Variants in GALNT13 observed in about 807,000 individuals in gnomAD.
GALNT13 encodes polypeptide N-acetylgalactosaminyltransferase 13, also known as UDP-GalNAc:polypeptide N-acetylgalactosaminyltransferase 13.
GALNT13 carries 28 observed loss-of-function variants against 64.2 expected under a neutral mutation model. The ratio of observed to expected loss-of-function variants is 0.44; its 90% confidence interval spans 0.32 to 0.60. The LOEUF is 0.60. GALNT13 is among the 20% of genes least tolerant of loss of function. The probability of loss-of-function intolerance (pLI) is 0.05; values close to 1 mark genes in which losing one functional copy is unlikely to be tolerated. For synonymous variants in GALNT13, 214 were observed against 224.6 expected, an observed-to-expected ratio of 0.95 and a Z score of 0.42; for missense variants, 577 against 669.8, an observed-to-expected ratio of 0.86 and a Z score of 1.53.
chr2:154,039,852 T>C (rs1161835652), intron 3 of GALNT13, among the ~76,000 whole-genome samples: 1 of 140,554 alleles, frequency 7.1e-6, no homozygotes, highest in African/African-American at 2.4e-5. Flanking sequence ...ACACATTGTA[T>C]ACATGTATAG....
the GALNT13 span, among the ~76,000 whole-genome samples, chr2:153,156,844 G>A: frequency 6.6e-6 from 1 of 152,110 alleles, no homozygotes; most frequent in Admixed American, 6.6e-5. Context: ...GACTTTTCTG[G>A]TATTGATAGA....
chr2:153,342,281 G>C, the GALNT13 span, among the ~76,000 whole-genome samples: 1 of 152,160 alleles, frequency 6.6e-6, no homozygotes, highest in African/African-American at 2.4e-5. Context: ...TCTGTGTCCA[G>C]TGATCTTACA....
the GALNT13 span, among the ~76,000 whole-genome samples, chr2:153,634,269 C>G: frequency 6.6e-6 from 1 of 152,056 alleles, no homozygotes; most frequent in African/African-American, 2.4e-5. Flanking sequence ...GAACTCTTAC[C>G]TTTTATGTAA....
chr2:153,952,581 C>T (rs1406305596), intron 3 of GALNT13, among the ~76,000 whole-genome samples: 1 of 152,052 alleles, frequency 6.6e-6, no homozygotes, highest in Admixed American at 6.6e-5. Context: ...CTTATCATCA[C>T]AGAGGGCAAA....
chr2:154,085,973 T>C (rs1055485856), intron 3 of GALNT13, among the ~76,000 whole-genome samples: 1 of 151,812 alleles, frequency 6.6e-6, no homozygotes, highest in African/African-American at 2.4e-5. Context: ...AATTTGACAA[T>C]GCCATTAGTA....
At chr2:153,798,780 T>C in the GALNT13 span, among the ~76,000 whole-genome samples, 11 of 152,330 alleles carry the variant, frequency 7.2e-5, no homozygotes, top group Middle Eastern at 6.8e-3. Flanking sequence ...GTCATACTTC[T>C]GGTGTATTTC....
intron 2 of GALNT13, among the ~76,000 whole-genome samples, chr2:153,919,854 A>G (rs1349256182): frequency 1.3e-5 from 2 of 151,408 alleles, no homozygotes; most frequent in Non-Finnish European, 3.0e-5. Flanking sequence ...TCTTATTGCT[A>G]TGTTATAAAC....
At chr2:153,648,634 C>T in the GALNT13 span, among the ~76,000 whole-genome samples, 2 of 152,014 alleles carry the variant, frequency 1.3e-5, no homozygotes, top group South Asian at 2.1e-4. Context: ...TTTTGAGATA[C>T]GTCCCATCAA....
At chr2:154,174,701 G>C (rs780537740) in intron 4 of GALNT13, among the ~76,000 whole-genome samples, 31 of 152,070 alleles carry the variant, frequency 2.0e-4, no homozygotes, top group Admixed American at 8.5e-4. Flanking sequence ...CTTGACATTT[G>C]GTTAATTGAC....
chr2:153,866,619 T>C, the GALNT13 span, among the ~76,000 whole-genome samples: 8 of 152,204 alleles, frequency 5.3e-5, no homozygotes, highest in African/African-American at 1.9e-4. Context: ...AATTATACTT[T>C]CTTCATGTCA....
At chr2:154,099,747 A>G (rs1459867070) in intron 3 of GALNT13, among the ~76,000 whole-genome samples, 1 of 152,134 alleles carries the variant, frequency 6.6e-6, no homozygotes, top group Non-Finnish European at 1.5e-5. Flanking sequence ...AGACCAGCTC[A>G]GGAAACACAG....
At chr2:153,248,551 A>AC in the GALNT13 span, among the ~76,000 whole-genome samples, 6 of 151,782 alleles carry the variant, frequency 4.0e-5, no homozygotes, top group Non-Finnish European at 8.8e-5. Context: ...GTGGTGGCTC[A>AC]GCCTGTAATC....
the GALNT13 span, among the ~76,000 whole-genome samples, chr2:153,384,108 A>T: frequency 2.6e-5 from 4 of 152,030 alleles, no homozygotes; most frequent in African/African-American, 7.2e-5. Context: ...GTGAGAAGGG[A>T]AAAGTGTCAA....
At chr2:154,283,837 T>C (rs1470492419) in intron 8 of GALNT13, among the ~76,000 whole-genome samples, 1 of 152,114 alleles carries the variant, frequency 6.6e-6, no homozygotes, top group Non-Finnish European at 1.5e-5. Context: ...GGTAGGTAGA[T>C]AGTAAGTTCT....
At chr2:154,021,633 C>A (rs1356675881) in intron 3 of GALNT13, among the ~76,000 whole-genome samples, 2 of 151,796 alleles carry the variant, frequency 1.3e-5, no homozygotes, top group African/African-American at 4.8e-5. Flanking sequence ...GATATACAAT[C>A]ATGTCATCTG....
At position 154,338,574 on chromosome 2, in the gene GALNT13, G is replaced by T. The variant is rs543219969; in HGVS notation, c.1156+36985G>T. ...ACACCATGCAGGGCCACATGAGGCA[G>T]CCCCACGGTCAGTCAGGAGGCAGAG... is the stretch of plus-strand genomic sequence containing the variant. On this transcript the variant is annotated intron_variant, in intron 9 of 12. Coordinates refer to ENST00000392825, the MANE Select transcript of GALNT13 (RefSeq NM_052917.4). 7.9e-5 allele frequency among the ~76,000 whole-genome samples: 12 copies of T among 152,198 alleles called. No homozygotes were observed. The South Asian group carries it at 2.3e-3, about 29-fold the overall frequency.
intron 11 of GALNT13, among the ~76,000 whole-genome samples, chr2:154,415,216 A>T (rs1334823925): frequency 6.6e-6 from 1 of 152,026 alleles, no homozygotes; most frequent in African/African-American, 2.4e-5. Flanking sequence ...TAACATAAAC[A>T]TTTTACTTTG....
chr2:153,828,191 A>G, the GALNT13 span, among the ~76,000 whole-genome samples: 1 of 152,120 alleles, frequency 6.6e-6, no homozygotes, highest in Non-Finnish European at 1.5e-5. Flanking sequence ...CAGTGGATCT[A>G]CCCTTCTGGG....
the GALNT13 span, among the ~76,000 whole-genome samples, chr2:153,679,367 A>G: frequency 1.4e-4 from 22 of 152,008 alleles, no homozygotes; most frequent in Non-Finnish European, 2.6e-4. Flanking sequence ...TAGTAGTTTA[A>G]TAAAGAGAAT....
Sources: gnomAD v4.1 joint callset for allele counts (sites outside exome capture counted in the v4.1 genomes callset) on GRCh38, gnomAD v4.1.1 for gene constraint, MANE v1.5 for transcripts, NCBI Gene and HGNC (gene_info 2026-07-23, HGNC 2026-07-21) for gene names.